THUMPD2: variants seen among roughly 807,000 people sequenced by gnomAD.
THUMPD2 encodes U6 snRNA (guanine-N(2))-methyltransferase THUMPD2.
THUMPD2 carries 56 observed loss-of-function variants against 49.4 expected under a neutral mutation model. The ratio of observed to expected loss-of-function variants is 1.13; its 90% CI spans 0.91 to 1.41. The LOEUF (loss-of-function observed/expected upper bound fraction) is 1.41, where lower values mean the gene tolerates loss of function less well. Among genes scored for constraint, THUMPD2 ranks in the 40% most tolerant of loss-of-function variants. THUMPD2 has a pLI of 0.00. For missense variants in THUMPD2, 709 were observed against 594.5 expected (o/e 1.19, Z -2.00); for synonymous variants, 237 against 205.2 (o/e 1.15, Z -1.32).
At chr2:39,740,045 C>T (rs1673696076) in intron 9 of THUMPD2, among the ~76,000 whole-genome samples, 1 of 151,996 alleles carries the variant, frequency 6.6e-6, no homozygotes, top group Non-Finnish European at 1.5e-5. Flanking sequence ...TTAATATGTG[C>T]CAGGCAGTTG....
intron 1 of THUMPD2, among the ~76,000 whole-genome samples, chr2:39,773,629 T>C (rs1312050712): frequency 2.0e-5 from 2 of 99,168 alleles, no homozygotes; most frequent in Non-Finnish European, 4.0e-5. Context: ...ATTTATATTT[T>C]AAAAATATAT....
chr2:39,738,285 C>T (rs973725497), intron 9 of THUMPD2, among the ~76,000 whole-genome samples: 8 of 152,068 alleles, frequency 5.3e-5, no homozygotes, highest in South Asian at 2.1e-4. Flanking sequence ...GCTATAGGGC[C>T]GGCATGGTGG....
intron 1 of THUMPD2, among the ~76,000 whole-genome samples, chr2:39,773,926 C>A (rs553216005): frequency 6.6e-6 from 1 of 152,194 alleles, no homozygotes; most frequent in Non-Finnish European, 1.5e-5. Context: ...AACACTGTTT[C>A]GTTCAACATG....
intron 8 of THUMPD2, 124 bp downstream of exon 8, chr2:39,755,171 T>G: frequency 1.8e-6 from 1 of 552,352 alleles, no homozygotes. Flanking sequence ...AACTGAGTAT[T>G]AGTCCCACAG....
At chr2:39,767,255 C>T (rs1040030204) in intron 4 of THUMPD2, among the ~76,000 whole-genome samples, 1 of 152,050 alleles carries the variant, frequency 6.6e-6, no homozygotes, top group South Asian at 2.1e-4. Flanking sequence ...AATTCTGAGA[C>T]AATGAGATGG....
chr2:39,771,635 T>C lies in THUMPD2; in HGVS notation c.132A>G (p.Glu44=). 1 of 1,602,526 alleles carries C rather than the reference T, an allele frequency of 6.2e-7. No homozygotes were observed. The highest frequency in any genetic ancestry group is 1.1e-5 in the South Asian group (1 of 87,758). ...VRARLAATQV[E]YISGKVFFTT... is the part of the protein sequence containing the mutation. ...TGAAAAAAACCTTTCCTGAAATATA[T>C]TCAACCTAGAAATAGAAAAACAGCT... Residue 44 remains glutamate (E), a synonymous_variant, in exon 2 of 10, where the codon GAA becomes GAG. Transcript: ENST00000505747.
intron 9 of THUMPD2, among the ~76,000 whole-genome samples, chr2:39,742,817 A>G (rs1225814037): frequency 1.3e-5 from 2 of 152,200 alleles, no homozygotes; most frequent in Non-Finnish European, 2.9e-5. Context: ...AGCAGGGATC[A>G]GTATTTTTTA....
At chr2:39,741,480 T>A (rs1673889841) in intron 9 of THUMPD2, among the ~76,000 whole-genome samples, 1 of 152,190 alleles carries the variant, frequency 6.6e-6, no homozygotes, top group South Asian at 2.1e-4. Context: ...CTCAAGCCTC[T>A]TTGGCACACA....
chr2:39,769,051 G>T, intron 3 of THUMPD2: 1 of 1,304,630 alleles, frequency 7.7e-7, no homozygotes, highest in Non-Finnish European at 1.0e-6. Context: ...GACCTCATGT[G>T]CATTTGCAGT....
In THUMPD2 at chr2:39,736,996, T is replaced by C. The variant is rs1242438341; in HGVS notation, c.1251A>G (p.Thr417=). The C allele has an allele frequency of 2.5e-6, 4 of 1,614,082 alleles. No individual in the cohort carries two copies. In the South Asian group the frequency reaches 4.4e-5, roughly 18 times the overall value. ...AAGGGATGTTGCTCTCTTTACAATC[T>C]GTAAGGCGCCTGTGGTGATCTTCAC... The part of the protein sequence containing the change: ...LLSEDHHRRL[T]DCKESNIPFN... The change falls in exon 10 of 10, where the codon ACA becomes ACG. Residue 417 remains threonine (T), a synonymous_variant. Coordinates refer to ENST00000505747, the MANE Select transcript of THUMPD2 (RefSeq NM_025264.5).
intron 5 of THUMPD2, among the ~76,000 whole-genome samples, chr2:39,761,652 T>C (rs547242320): frequency 6.6e-5 from 10 of 152,276 alleles, no homozygotes; most frequent in Non-Finnish European, 1.2e-4. Context: ...ACAACTGAAA[T>C]TTACACTCTC....
chr2:39,762,896 T>C (rs1677009515), intron 5 of THUMPD2, among the ~76,000 whole-genome samples: 1 of 151,850 alleles, frequency 6.6e-6, no homozygotes, highest in Admixed American at 6.6e-5. Flanking sequence ...AAAAACTATG[T>C]ATATATTTCT....
chr2:39,776,518 C>T (rs1008382803), intron 1 of THUMPD2, among the ~76,000 whole-genome samples: 8 of 151,812 alleles, frequency 5.3e-5, no homozygotes, highest in African/African-American at 9.7e-5. Flanking sequence ...CTCAGCCTCC[C>T]GAACAGCCGG....
At chr2:39,746,196 T>C (rs1674568554) in intron 8 of THUMPD2, among the ~76,000 whole-genome samples, 1 of 152,168 alleles carries the variant, frequency 6.6e-6, no homozygotes, top group Admixed American at 6.5e-5. Flanking sequence ...CAAAAAAGCT[T>C]TGCAGAACAC....
chr2:39,756,951 G>GA (rs35726811), intron 6 of THUMPD2, among the ~76,000 whole-genome samples: 70,922 of 142,494 alleles, frequency 0.5, 17,879 homozygotes, highest in East Asian at 0.76. Context: ...TGGTATTGGA[G>GA]AAAAAAAAAA....
chr2:39,769,355 G>GTT, intron 3 of THUMPD2: 1 of 231,524 alleles, frequency 4.3e-6, no homozygotes, highest in South Asian at 7.5e-5. Context: ...TATTTGTTCT[G>GTT]TGAGAGGTTT....
intron 6 of THUMPD2, among the ~76,000 whole-genome samples, chr2:39,759,035 T>C (rs1676491024): frequency 1.3e-5 from 2 of 152,078 alleles, no homozygotes; most frequent in African/African-American, 4.8e-5. Flanking sequence ...TCTTGTAATT[T>C]GGAAGATAAT....
At chr2:39,756,830 T>A (rs963252621) in intron 6 of THUMPD2, among the ~76,000 whole-genome samples, 6 of 152,056 alleles carry the variant, frequency 3.9e-5, no homozygotes, top group Non-Finnish European at 5.9e-5. Flanking sequence ...CTGTTCTTTC[T>A]TAGTTAATGG....
At chr2:39,742,053 G>C (rs1221020637) in intron 9 of THUMPD2, among the ~76,000 whole-genome samples, 12 of 152,202 alleles carry the variant, frequency 7.9e-5, no homozygotes, top group African/African-American at 2.9e-4. Context: ...ATTAAAGATA[G>C]GCAAGTGGTT....
Sources: gnomAD v4.1 joint callset for allele counts (sites outside exome capture counted in the v4.1 genomes callset) on GRCh38, gnomAD v4.1.1 for gene constraint, MANE v1.5 for transcripts, NCBI Gene and HGNC (gene_info 2026-07-23, HGNC 2026-07-21) for gene names.